The following KIAA0586 variants were observed in gnomAD, a reference collection of about 807,000 sequenced individuals.
The protein encoded by KIAA0586 is KIAA0586, also known as protein TALPID3.
In KIAA0586, 144 loss-of-function variants were observed where a neutral mutation model predicts 169.8. The observed-to-expected ratio is 0.85, with a 90% CI of 0.74 to 0.97. KIAA0586 has a LOEUF of 0.97. KIAA0586 is among the 50% of genes least tolerant of loss of function. The pLI is 0.00. For synonymous variants in KIAA0586, 625 were observed against 612.4 expected, an observed-to-expected ratio of 1.02 and a Z score of -0.30; for missense variants, 1,854 against 1,823.0, an observed-to-expected ratio of 1.02 and a Z score of -0.31.
At chr14:58,441,190 C>CTT (rs71107949) in intron 4 of KIAA0586, 43 of 157,978 alleles carry the variant, frequency 2.7e-4, no homozygotes, top group Middle Eastern at 2.9e-3. Flanking sequence ...TCTTACAATT[C>CTT]TTTTTTTTTT....
At chr14:58,495,972 A>T (rs1281061095) in intron 26 of KIAA0586, among the ~76,000 whole-genome samples, 1 of 152,166 alleles carries the variant, frequency 6.6e-6, no homozygotes, top group African/African-American at 2.4e-5. Flanking sequence ...AATGCTTTTA[A>T]TCTTAAATTT....
chr14:58,487,795 GTAAGGGA>G (rs1474746014), intron 22 of KIAA0586, 85 bp from the exon 23 acceptor site: 2 of 712,738 alleles, frequency 2.8e-6, no homozygotes, highest in Non-Finnish European at 2.4e-6. Context: ...TGCTAAAATG[GTAAGGGA>G]TATCTGAAGC....
At chr14:58,455,147 T>G (rs1159416928) in intron 9 of KIAA0586, among the ~76,000 whole-genome samples, 3 of 152,258 alleles carry the variant, frequency 2.0e-5, no homozygotes, top group African/African-American at 7.2e-5. Flanking sequence ...ATTTCAGTTG[T>G]TATATTTTTC....
At chr14:58,427,687 G>C, upstream of KIAA0586, 1 of 1,535,568 alleles carries the variant, frequency 6.5e-7, no homozygotes, top group Non-Finnish European at 8.7e-7. Flanking sequence ...CGGGTTTGAA[G>C]GGAAGTGGGT....
At chr14:58,433,807 A>G (rs1236365212) in intron 4 of KIAA0586, among the ~76,000 whole-genome samples, 1 of 152,100 alleles carries the variant, frequency 6.6e-6, no homozygotes, top group African/African-American at 2.4e-5. Flanking sequence ...CTTGAGCCCA[A>G]GAGTTTGAGA....
intron 19 of KIAA0586, among the ~76,000 whole-genome samples, chr14:58,476,394 A>G (rs1044772312): frequency 2.0e-5 from 3 of 152,290 alleles, no homozygotes; most frequent in Middle Eastern, 3.4e-3. Flanking sequence ...AAAACTACCT[A>G]TAATACAGCC....
chr14:58,518,430 T>C (rs2044923657), intron 29 of KIAA0586, among the ~76,000 whole-genome samples: 1 of 152,214 alleles, frequency 6.6e-6, no homozygotes, highest in African/African-American at 2.4e-5. Flanking sequence ...TAATAGTGAC[T>C]AACTGGAAAC....
At chr14:58,508,429 T>A in intron 27 of KIAA0586, 126 bp from the exon 28 acceptor site, 1 of 712,444 alleles carries the variant, frequency 1.4e-6, no homozygotes, top group Non-Finnish European at 2.2e-6. Flanking sequence ...TGTTTTTGTT[T>A]GAAGTACACT....
Position 58,548,047 on chromosome 14 carries a change from T to C in KIAA0586, c.*115T>C. On this transcript the variant is annotated 3_prime_UTR_variant, in exon 31 of 31. Transcript: ENST00000652326. ...TTTGAGCATATTCTGAAAAAAAAATTCCAATATTTTAAAATAAAACAAAAA... is the reference window on the plus strand; with the variant it reads ...TTTGAGCATATTCTGAAAAAAAAATCCCAATATTTTAAAATAAAACAAAAA... 1 of 1,231,580 alleles carries C rather than the reference T, an allele frequency of 8.1e-7. No homozygotes were observed. The highest frequency in any genetic ancestry group is 1.1e-6 in the Non-Finnish European group (1 of 900,946). 76.3% of individuals were successfully genotyped at this position (1,231,580 alleles called of 1,614,324 possible). A position where few individuals can be genotyped will look rare whatever the true frequency, so the allele number is the denominator to read the frequency against.
chr14:58,543,522 C>G (rs1457453549), intron 30 of KIAA0586, among the ~76,000 whole-genome samples: 2 of 152,178 alleles, frequency 1.3e-5, no homozygotes, highest in South Asian at 2.1e-4. Context: ...CTGCCTTTTA[C>G]TCCTTCCCAT....
intron 12 of KIAA0586, among the ~76,000 whole-genome samples, chr14:58,458,817 T>C (rs1183159550): frequency 1.3e-5 from 2 of 152,174 alleles, no homozygotes; most frequent in African/African-American, 4.8e-5. Flanking sequence ...CAAAAGTGTT[T>C]GGAAAAAGAA....
intron 25 of KIAA0586, among the ~76,000 whole-genome samples, chr14:58,490,939 A>G (rs2042800852): frequency 1.3e-5 from 2 of 152,140 alleles, no homozygotes; most frequent in Non-Finnish European, 1.5e-5. Flanking sequence ...TAGGCCTATG[A>G]AAATACTTCA....
intron 20 of KIAA0586, among the ~76,000 whole-genome samples, chr14:58,478,872 G>C (rs1024280962): frequency 6.6e-6 from 1 of 152,068 alleles, no homozygotes; most frequent in Non-Finnish European, 1.5e-5. Context: ...TCTTTTATTA[G>C]CATAATATTT....
At position 58,486,996 on chromosome 14, in the gene KIAA0586, ATTTAT is replaced by A. The variant is rs1566880757; in HGVS notation, c.3145-6_3145-2del. On this transcript the variant is annotated splice_region_variant and splice_polypyrimidine_tract_variant and intron_variant, in intron 21 of 30. Transcript: ENST00000652326. The stretch of plus-strand genomic sequence containing the variant: ...TTATAAACACAGTTTATCTTGTTTT[ATTTAT>A]TTTAGGCAAGAGTGTGCACCCCACT... 3 of 1,580,612 alleles carry A rather than the reference ATTTAT, an allele frequency of 1.9e-6. No homozygotes were observed. Among genetic ancestry groups the A allele is most frequent in the Non-Finnish European group, 2.6e-6 (3 of 1,165,856 alleles).
chr14:58,519,897 C>T (rs2045068374), intron 29 of KIAA0586, among the ~76,000 whole-genome samples: 1 of 152,188 alleles, frequency 6.6e-6, no homozygotes, highest in African/African-American at 2.4e-5. Flanking sequence ...TATTTCATTA[C>T]AATCATTTTT....
intron 30 of KIAA0586, among the ~76,000 whole-genome samples, chr14:58,547,073 T>C (rs1277258620): frequency 6.6e-6 from 1 of 152,118 alleles, no homozygotes; most frequent in African/African-American, 2.4e-5. Flanking sequence ...GAGTCCATTT[T>C]TTAGGAATAG....
chr14:58,517,023 C>G (rs2044815991), intron 29 of KIAA0586, among the ~76,000 whole-genome samples: 1 of 152,066 alleles, frequency 6.6e-6, no homozygotes, highest in African/African-American at 2.4e-5. Context: ...AATGTAAAGC[C>G]TAAAACTACA....
At chr14:58,448,282 A>G (rs1265483106) in intron 6 of KIAA0586, 58 bp from the exon 7 acceptor site, 3 of 1,096,302 alleles carry the variant, frequency 2.7e-6, no homozygotes, top group Admixed American at 2.4e-5. Flanking sequence ...AATGTATTTT[A>G]TCATCTAACT....
At chr14:58,494,991 G>A (rs2043068923) in intron 26 of KIAA0586, among the ~76,000 whole-genome samples, 2 of 152,084 alleles carry the variant, frequency 1.3e-5, no homozygotes, top group South Asian at 2.1e-4. Flanking sequence ...CAGCCTCCTC[G>A]CTAGGATGCA....
Sources: gnomAD v4.1 joint callset for allele counts (sites outside exome capture counted in the v4.1 genomes callset) on GRCh38, gnomAD v4.1.1 for gene constraint, MANE v1.5 for transcripts, NCBI Gene and HGNC (gene_info 2026-07-23, HGNC 2026-07-21) for gene names.